Variants in CLDN14 observed in about 807,000 individuals in gnomAD.
The protein encoded by CLDN14 is claudin 14, also known as claudin-14.
In CLDN14, 2 loss-of-function variants were observed where a neutral mutation model predicts 2.1. The ratio of observed to expected loss-of-function variants is 0.96; its 90% CI spans 0.39 to 3.01. The LOEUF is 3.01. Among genes scored for constraint, CLDN14 ranks in the 30% most tolerant of loss-of-function variants. CLDN14 has a pLI of 0.09. For synonymous variants in CLDN14, 136 were observed against 154.4 expected (o/e 0.88, Z 0.88); for missense variants, 298 against 328.0 (o/e 0.91, Z 0.71).
In CLDN14 at chr21:36,551,307, G is replaced by A. The variant is rs756615331; in HGVS notation, c.-220+25104C>T. On this transcript the variant is annotated intron_variant, in intron 1 of 2. Transcript: ENST00000342108. This position sits in a 1 kb window ranked among gnomAD's most constrained non-coding sequence, Gnocchi z 4.8. ...GAGGGAGGACCCCAGTGAGATCTCC[G>A]AGCAGATGCACTGTTCCCTGCGGAC... Among the ~76,000 whole-genome samples the A allele has an allele frequency of 6.6e-6, 1 of 152,180 alleles. No homozygotes were observed. Among genetic ancestry groups the A allele is most frequent in the Non-Finnish European group, 1.5e-5 (1 of 68,040 alleles).
chr21:36,518,372 G>A (rs1431197161), intron 1 of CLDN14, among the ~76,000 whole-genome samples: 2 of 152,130 alleles, frequency 1.3e-5, no homozygotes, highest in African/African-American at 2.4e-5. Flanking sequence ...AGGCTGAGGC[G>A]GGTGGATCAC....
rs531710483 is a variant in CLDN14 at position 36,517,678 on chromosome 21, G to A, written c.-219-7178C>T. Among the ~76,000 whole-genome samples the A allele has an allele frequency of 1.1e-4, 16 of 152,312 alleles. 1 individual carries two copies. The highest frequency in any genetic ancestry group is 3.4e-3 in the Middle Eastern group (1 of 292). On this transcript the variant is annotated intron_variant, in intron 1 of 2. Coordinates refer to the CLDN14 transcript ENST00000342108. ...AGTCCTGCACAATAGAGCTCAAGGT[G>A]TACCCTGAGAAACAGGGATCCAGAG...
chr21:36,562,533 A>C (rs2087643160), intron 1 of CLDN14, among the ~76,000 whole-genome samples: 1 of 152,224 alleles, frequency 6.6e-6, no homozygotes, highest in Non-Finnish European at 1.5e-5. Flanking sequence ...TCTAAGGAAA[A>C]GCCCCACCAA....
At chr21:36,497,703 C>T (rs545875532) in intron 2 of CLDN14, among the ~76,000 whole-genome samples, 5 of 152,248 alleles carry the variant, frequency 3.3e-5, no homozygotes, top group South Asian at 2.1e-4. Context: ...ACACCTTTCC[C>T]GTCCACAGAT....
chr21:36,576,282 C>T (rs547507384), intron 1 of CLDN14: 1 of 152,344 alleles, frequency 6.6e-6, no homozygotes, highest in South Asian at 2.1e-4. Context: ...TTTCCTTGAA[C>T]TCCTTGCCCA....
chr21:36,541,941 C>T (rs2087492262), intron 1 of CLDN14, among the ~76,000 whole-genome samples: 1 of 152,056 alleles, frequency 6.6e-6, no homozygotes, highest in South Asian at 2.1e-4. Flanking sequence ...GTGTGTGAAC[C>T]ACTGGAGTTG....
chr21:36,488,371 A>C lies in CLDN14; in HGVS notation c.-82+21992T>G, dbSNP rs374816633. Reference sequence around the variant, plus strand: ...ACTGCAACCTCTGCCTCCTGGGTTCAAGCGATTCTCCTGCCTCAGCCTCCC... The same window carrying C: ...ACTGCAACCTCTGCCTCCTGGGTTCCAGCGATTCTCCTGCCTCAGCCTCCC... On this transcript the variant is annotated intron_variant, in intron 2 of 2. Transcript: ENST00000342108. Among the ~76,000 whole-genome samples, 12 of 152,058 alleles carry C rather than the reference A, an allele frequency of 7.9e-5. 1 individual carries two copies. The East Asian group carries it at 2.1e-3, about 27-fold the overall frequency.
At chr21:36,569,706 T>C (rs185547928) in intron 1 of CLDN14, among the ~76,000 whole-genome samples, 96 of 152,230 alleles carry the variant, frequency 6.3e-4, no homozygotes, top group Non-Finnish European at 1.1e-3. Context: ...CTGCTGGTCA[T>C]GAGGGTGGGA....
intron 2 of CLDN14, among the ~76,000 whole-genome samples, chr21:36,501,736 C>T (rs950185163): frequency 6.6e-6 from 1 of 152,098 alleles, no homozygotes; most frequent in Non-Finnish European, 1.5e-5. Flanking sequence ...TTTCAGTAGC[C>T]TGGCCCTAAA....
At chr21:36,483,577 T>C (rs1374775678), upstream of CLDN14, among the ~76,000 whole-genome samples, 6 of 151,866 alleles carry the variant, frequency 4.0e-5, no homozygotes, top group African/African-American at 4.9e-5. Flanking sequence ...CAGGGTTTCT[T>C]CTTTCTCCAT....
At chr21:36,575,178 C>T (rs927204440) in intron 1 of CLDN14, among the ~76,000 whole-genome samples, 4 of 152,148 alleles carry the variant, frequency 2.6e-5, no homozygotes, top group South Asian at 2.1e-4. Context: ...TCTCATCTGC[C>T]GTCATGCAGT....
rs2146409985 is a variant in CLDN14 at position 36,461,147 on chromosome 21, C to T, written c.549G>A (p.Leu183=). 2 of 1,613,822 alleles carry T rather than the reference C, an allele frequency of 1.2e-6. No homozygotes were observed. Among genetic ancestry groups the T allele is most frequent in the Admixed American group, 3.3e-5 (2 of 60,028 alleles). Residue 183 remains leucine (L), a synonymous_variant, in exon 2 of 2, where the codon CTG becomes CTA. Coordinates refer to ENST00000399135, the MANE Select transcript of CLDN14 (RefSeq NM_001146079.2). ...TGTAGGGTGCCTCGTCCTGGCAGGA[C>T]AGGCAAAGCAGGGTGCCACCAATGA... ...LSLIGGTLLC[L]SCQDEAPYRP...
At chr21:36,480,368 G>T (rs930375645), upstream of CLDN14, 1 of 152,202 alleles carries the variant, frequency 6.6e-6, no homozygotes, top group Admixed American at 6.5e-5. Flanking sequence ...CAGTGCTGAC[G>T]GAAGAAGGTG....
intron 1 of CLDN14, among the ~76,000 whole-genome samples, chr21:36,568,700 G>C (rs1057273065): frequency 6.6e-6 from 1 of 152,118 alleles, no homozygotes; most frequent in African/African-American, 2.4e-5. Context: ...ACTCCAGCCT[G>C]GGCCACAGAG....
Position 36,499,772 on chromosome 21 carries a change from C to T in CLDN14, c.-82+10591G>A, listed in dbSNP as rs185834364. The stretch of plus-strand genomic sequence containing the variant: ...AGTGACGTATTCTAGCTCATGGAGC[C>T]AGCTGGGCAAAGCCAGCAGGGATTT... On this transcript the variant is annotated intron_variant, in intron 2 of 2. Transcript: ENST00000342108. The surrounding 1 kb of genome is among the most constrained non-coding windows in gnomAD (Gnocchi z 4.7). Among the ~76,000 whole-genome samples the T allele has an allele frequency of 1.3e-5, 2 of 152,286 alleles. No homozygotes were observed. Among genetic ancestry groups the T allele is most frequent in the East Asian group, 3.9e-4 (2 of 5,176 alleles).
chr21:36,493,007 C>T (rs897769434), intron 2 of CLDN14, among the ~76,000 whole-genome samples: 8 of 152,210 alleles, frequency 5.3e-5, no homozygotes, highest in East Asian at 1.9e-4. Context: ...CAGACAAGAT[C>T]GCAAAGAAGC....
Position 36,563,164 on chromosome 21 carries a change from G to T in CLDN14, c.-220+13247C>A, listed in dbSNP as rs186128323. Reference sequence around the variant, plus strand: ...TGGGCTACATTCTCTGCTGCTTAGAGAACAAGAAAATGCATGACACTGTTT... The same window carrying T: ...TGGGCTACATTCTCTGCTGCTTAGATAACAAGAAAATGCATGACACTGTTT... On this transcript the variant is annotated intron_variant, in intron 1 of 2. Transcript: ENST00000342108. Among the ~76,000 whole-genome samples the T allele has an allele frequency of 3.2e-3, 486 of 152,334 alleles. 1 individual carries two copies. The highest frequency in any genetic ancestry group is 4.8e-3 in the Non-Finnish European group (329 of 68,028).
chr21:36,472,023 T>C (rs376256096), intron 1 of CLDN14, among the ~76,000 whole-genome samples: 32 of 152,366 alleles, frequency 2.1e-4, no homozygotes, highest in African/African-American at 7.7e-4. Flanking sequence ...GTTTATGATA[T>C]GCCAAACATG....
intron 1 of CLDN14, among the ~76,000 whole-genome samples, chr21:36,559,516 G>A (rs902302024): frequency 2.6e-5 from 4 of 152,092 alleles, no homozygotes; most frequent in African/African-American, 9.7e-5. Context: ...TATCATGAGG[G>A]TTACAAAAAC....
Sources: gnomAD v4.1 joint callset for allele counts (sites outside exome capture counted in the v4.1 genomes callset) on GRCh38, gnomAD v4.1.1 for gene constraint, Gnocchi (gnomAD v3.1) non-coding constraint, MANE v1.5 for transcripts, NCBI Gene and HGNC (gene_info 2026-07-23, HGNC 2026-07-21) for gene names.